PHACTR2: variants seen among roughly 807,000 people sequenced by gnomAD.
PHACTR2 encodes phosphatase and actin regulator 2, also known as chromosome 6 open reading frame 56.
A neutral mutation model predicts 76.0 loss-of-function variants in PHACTR2; 30 were observed. The ratio of observed to expected loss-of-function variants is 0.39; its 90% CI spans 0.30 to 0.54. PHACTR2 has a LOEUF of 0.54. Among genes scored for constraint, PHACTR2 ranks in the 20% least tolerant of loss-of-function variants. The probability of loss-of-function intolerance (pLI) is 0.61; values close to 1 mark genes in which losing one functional copy is unlikely to be tolerated. For missense variants in PHACTR2, 696 were observed against 781.1 expected (o/e 0.89, Z 1.30); for synonymous variants, 292 against 292.5 (o/e 1.00, Z 0.02).
At chr6:143,707,588 A>G (rs1487118553) in intron 1 of PHACTR2, among the ~76,000 whole-genome samples, 5 of 152,224 alleles carry the variant, frequency 3.3e-5, no homozygotes, top group African/African-American at 1.2e-4. Context: ...AATATCTAAA[A>G]TGTCATATCT....
rs1034057808 is a variant in PHACTR2, at chr6:143,829,417, A to T, written c.*5728A>T. 6.6e-6 allele frequency: 1 copy of T among 152,112 alleles called. No homozygotes were observed. Among genetic ancestry groups the T allele is most frequent in the Non-Finnish European group, 1.5e-5 (1 of 68,026 alleles). The allele number at this position is 152,112 out of a possible 1,614,324, so 9.4% of individuals were successfully genotyped here. On this transcript the variant is annotated 3_prime_UTR_variant, in exon 13 of 13. Transcript: ENST00000440869. ...GAATCACCTGCTTATCCTATTAACG[A>T]AGCATTTAATTCACACACAAATGCT...
intron 2 of PHACTR2, among the ~76,000 whole-genome samples, chr6:143,728,728 A>G (rs2128465117): frequency 6.6e-6 from 1 of 152,320 alleles, no homozygotes; most frequent in South Asian, 2.1e-4. Context: ...AAGAATATAG[A>G]TTAGGGAAAG....
In PHACTR2 at chr6:143,710,028, G is replaced by C. The variant is rs1487599503; in HGVS notation, c.47-1988G>C. ...CCATTCAGCCTTTGCTGGCATGCAT[G>C]GTCACAGGTTCTTCTATGGTGCTCG... On this transcript the variant is annotated intron_variant, in intron 1 of 12. Transcript: ENST00000440869. The surrounding 1 kb of genome is among the most constrained non-coding windows in gnomAD (Gnocchi z 4.9). Among the ~76,000 whole-genome samples, 1 of 152,110 alleles carries C rather than the reference G, an allele frequency of 6.6e-6. No homozygotes were observed. Among genetic ancestry groups the C allele is most frequent in the Admixed American group, 6.5e-5 (1 of 15,270 alleles).
chr6:143,814,434 G>A (rs1046195906), intron 12 of PHACTR2, among the ~76,000 whole-genome samples: 1 of 151,964 alleles, frequency 6.6e-6, no homozygotes, highest in African/African-American at 2.4e-5. Context: ...CATCCTCATC[G>A]TCTTCATGTT....
intron 2 of PHACTR2, among the ~76,000 whole-genome samples, chr6:143,718,875 GTTTT>G (rs1226236202): frequency 2.3e-4 from 28 of 123,556 alleles, no homozygotes; most frequent in Admixed American, 8.9e-4. Context: ...AGTTGGAAGT[GTTTT>G]TTTTTTTTTT....
Position 143,688,379 on chromosome 6 carries a change from A to T in PHACTR2, c.46+10170A>T, listed in dbSNP as rs1439264150. 1.3e-5 allele frequency among the ~76,000 whole-genome samples: 2 copies of T among 151,874 alleles called. No homozygotes were observed. The highest frequency in any genetic ancestry group is 2.9e-5 in the Non-Finnish European group (2 of 67,972). On this transcript the variant is annotated intron_variant, in intron 1 of 12. Transcript: ENST00000440869. The surrounding 1 kb of genome is among the most constrained non-coding windows in gnomAD (Gnocchi z 5.2). Reference sequence around the variant, plus strand: ...AGAAATGGGAGTAGGGTCTCACCCAACTCTCAACTCCCAGAGTTACCCAGT... The same window carrying T: ...AGAAATGGGAGTAGGGTCTCACCCATCTCTCAACTCCCAGAGTTACCCAGT...
Position 143,539,727 on chromosome 6 carries a change from T to C in PHACTR2, c.217+2520T>C, listed in dbSNP as rs1463837478. Among the ~76,000 whole-genome samples the C allele has an allele frequency of 6.6e-6, 1 of 152,160 alleles. No homozygotes were observed. The highest frequency in any genetic ancestry group is 6.5e-5 in the Admixed American group (1 of 15,280). ...CCGGACCAGCATCTGTGGCCTCATC[T>C]CAGAATCTCAGGCCCCACCCTAGGC... is the stretch of plus-strand genomic sequence containing the variant. On this transcript the variant is annotated intron_variant, in intron 1 of 11. Transcript: ENST00000367584. This position sits in a 1 kb window ranked among gnomAD's most constrained non-coding sequence, Gnocchi z 4.3.
chr6:143,553,557 T>C lies in PHACTR2; in HGVS notation c.217+16350T>C, dbSNP rs1775123257. Among the ~76,000 whole-genome samples, 1 of 152,160 alleles carries C rather than the reference T, an allele frequency of 6.6e-6. No homozygotes were observed. The highest frequency in any genetic ancestry group is 2.1e-4 in the South Asian group (1 of 4,830). ...TGTTAGATGAACAAACAGTAAATTA[T>C]TTTGACAGTTTTGAGTTTTCTCAGA... On this transcript the variant is annotated intron_variant, in intron 1 of 11. Transcript: ENST00000367584. This position sits in a 1 kb window ranked among gnomAD's most constrained non-coding sequence, Gnocchi z 4.2.
In PHACTR2 at chr6:143,656,025, T is replaced by C. The variant is rs565785744; in HGVS notation, c.13+47703T>C. Among the ~76,000 whole-genome samples, 27 of 152,358 alleles carry C rather than the reference T, an allele frequency of 1.8e-4. No homozygotes were observed. The highest frequency in any genetic ancestry group is 1.6e-3 in the Admixed American group (25 of 15,308). ...TTCTTTATTCCATGAACTAAGTTTC[T>C]TATCCTAAGGTGATTACCGGGGGAA... On this transcript the variant is annotated intron_variant, in intron 1 of 11. Transcript: ENST00000305766. The surrounding 1 kb of genome is among the most constrained non-coding windows in gnomAD (Gnocchi z 5.3).
At position 143,803,805 on chromosome 6, in the gene PHACTR2, T is replaced by C. The variant is rs576005457; in HGVS notation, c.1846-3252T>C. ...CCATAATGCTATAAATAGAATGATG[T>C]CTTTTGTTTCCAAAGTCGATATACT... On this transcript the variant is annotated intron_variant, in intron 11 of 12. Transcript: ENST00000440869. The surrounding 1 kb of genome is among the most constrained non-coding windows in gnomAD (Gnocchi z 4.7). Among the ~76,000 whole-genome samples the C allele has an allele frequency of 3.5e-4, 53 of 152,316 alleles. 1 individual carries two copies. The highest frequency in any genetic ancestry group is 3.4e-3 in the Middle Eastern group (1 of 294).
In PHACTR2 at chr6:143,782,560, T is replaced by C. The variant is rs1319054163; in HGVS notation, c.1646-659T>C. ...GCATAAAATCGTACTACTTGGTGAA[T>C]CACTAGAGAACGAGAAGACTTTGGA... On this transcript the variant is annotated intron_variant, in intron 9 of 12. Transcript: ENST00000440869. The surrounding 1 kb of genome is among the most constrained non-coding windows in gnomAD (Gnocchi z 4.6). 6.6e-6 allele frequency among the ~76,000 whole-genome samples: 1 copy of C among 152,128 alleles called. No individual in the cohort carries two copies. The highest frequency in any genetic ancestry group is 6.6e-5 in the Admixed American group (1 of 15,266).
rs1775612150 is a variant in PHACTR2, at chr6:143,788,776, A to T, written c.1711A>T (p.Ser571Cys). The change falls in exon 11 of 13, where the codon AGC (serine) becomes TGC (cysteine). Residue 571 changes from serine (S) to cysteine (C), a missense_variant. This residue lies in a region of PHACTR2 where 236 missense variants were observed against 330.2 expected (regional missense o/e 0.71). Coordinates refer to ENST00000440869, the MANE Select transcript of PHACTR2 (RefSeq NM_001100164.2). ...CTTTTTCCTTGTCCTCCTGCAGCTC[A>T]GCCTGAGACCCACAGTGGCAGAGCT... ...ELKRRLSRKL[S>C]LRPTVAELQA... 6.2e-7 allele frequency: 1 copy of T among 1,608,634 alleles called. No homozygotes were observed. The highest frequency in any genetic ancestry group is 1.3e-5 in the African/African-American group (1 of 74,804).
intron 2 of PHACTR2, among the ~76,000 whole-genome samples, chr6:143,718,684 A>T (rs1029441890): frequency 6.6e-6 from 1 of 152,218 alleles, no homozygotes; most frequent in Admixed American, 6.5e-5. Flanking sequence ...CTATTAAAGG[A>T]TAATATTCTC....
Position 143,625,724 on chromosome 6 carries a change from T to G in PHACTR2, c.13+17402T>G, listed in dbSNP as rs1412710163. 6.6e-6 allele frequency among the ~76,000 whole-genome samples: 1 copy of G among 152,218 alleles called. No homozygotes were observed. Among genetic ancestry groups the G allele is most frequent in the East Asian group, 1.9e-4 (1 of 5,198 alleles). ...AAATATGAATTGAGTGCCTACTGGG[T>G]CAGGCACTCTTCCGGGTGCAGTGAA... On this transcript the variant is annotated intron_variant, in intron 1 of 11. Transcript: ENST00000305766. The surrounding 1 kb of genome is among the most constrained non-coding windows in gnomAD (Gnocchi z 4.3).
intron 1 of PHACTR2, among the ~76,000 whole-genome samples, chr6:143,609,890 G>T (rs1775949806): frequency 6.6e-6 from 1 of 152,098 alleles, no homozygotes; most frequent in South Asian, 2.1e-4. Context: ...GAGCTTTGGG[G>T]GATGTTTTCA....
chr6:143,637,716 C>T (rs1776485204), intron 1 of PHACTR2, among the ~76,000 whole-genome samples: 1 of 152,250 alleles, frequency 6.6e-6, no homozygotes, highest in African/African-American at 2.4e-5. Flanking sequence ...AGCTGCAGCA[C>T]TCATGGCAGC....
At chr6:143,635,816 T>C (rs1191669197) in intron 1 of PHACTR2, among the ~76,000 whole-genome samples, 1 of 152,238 alleles carries the variant, frequency 6.6e-6, no homozygotes, top group Non-Finnish European at 1.5e-5. Context: ...TTTTTATTTG[T>C]ATGTAAATAA....
chr6:143,614,754 A>G (rs1315094331), intron 1 of PHACTR2, among the ~76,000 whole-genome samples: 1 of 152,100 alleles, frequency 6.6e-6, no homozygotes, highest in African/African-American at 2.4e-5. Context: ...CTAACCTTTC[A>G]CTGCTCATAA....
In PHACTR2 at chr6:143,617,580, C is replaced by A. The variant is rs1351180048; in HGVS notation, c.13+9258C>A. Reference sequence around the variant, plus strand: ...TCTAATGAGCCATGAGGGTGACAACCACTGTTAGAGTCCTCTCTCTTTCTC... The same window carrying A: ...TCTAATGAGCCATGAGGGTGACAACAACTGTTAGAGTCCTCTCTCTTTCTC... On this transcript the variant is annotated intron_variant, in intron 1 of 11. Transcript: ENST00000305766. The surrounding 1 kb of genome is among the most constrained non-coding windows in gnomAD (Gnocchi z 4.8). Among the ~76,000 whole-genome samples the A allele has an allele frequency of 6.6e-6, 1 of 152,196 alleles. No individual in the cohort carries two copies. Among genetic ancestry groups the A allele is most frequent in the Non-Finnish European group, 1.5e-5 (1 of 68,038 alleles).
Sources: gnomAD v4.1 joint callset for allele counts (sites outside exome capture counted in the v4.1 genomes callset) on GRCh38, gnomAD v4.1.1 for gene constraint, gnomAD v4.1.1 regional missense constraint, Gnocchi (gnomAD v3.1) non-coding constraint, MANE v1.5 for transcripts, NCBI Gene and HGNC (gene_info 2026-07-23, HGNC 2026-07-21) for gene names.